Variants in CDH4 observed in about 807,000 individuals in gnomAD.
CDH4 encodes the protein cadherin 4, also known as cadherin-4.
In CDH4, 33 loss-of-function variants were observed where a neutral mutation model predicts 86.0. The observed-to-expected ratio is 0.38, with a 90% CI of 0.29 to 0.51. CDH4 has a LOEUF of 0.51. Among genes scored for constraint, CDH4 ranks in the 20% least tolerant of loss-of-function variants. CDH4 has a pLI of 0.86. For missense variants in CDH4, 1,114 were observed against 1,307.4 expected, an observed-to-expected ratio of 0.85 and a Z score of 2.28; for synonymous variants, 555 against 549.4, an observed-to-expected ratio of 1.01 and a Z score of -0.14.
In CDH4 at chr20:61,658,753, G is replaced by A. The variant is rs182820946; in HGVS notation, c.170-84810G>A. 1.1e-3 allele frequency among the ~76,000 whole-genome samples: 169 copies of A among 152,286 alleles called. 1 individual carries two copies. The highest frequency in any genetic ancestry group is 3.9e-3 in the African/African-American group (162 of 41,568). On this transcript the variant is annotated intron_variant, in intron 2 of 15. Coordinates refer to ENST00000614565, the MANE Select transcript of CDH4 (RefSeq NM_001794.5). ...CAAAGGAACTGGATAGTCAGAGCTG[G>A]GGGAAATACCACCCCCCCACTCCCA...
At chr20:61,260,374 T>C (rs1243108480) in intron 2 of CDH4, among the ~76,000 whole-genome samples, 2 of 152,222 alleles carry the variant, frequency 1.3e-5, no homozygotes, top group Non-Finnish European at 2.9e-5. Context: ...AAAGAACCCT[T>C]AGATATATTA....
chr20:61,903,283 C>G (rs1175317530), intron 8 of CDH4, among the ~76,000 whole-genome samples: 2 of 151,956 alleles, frequency 1.3e-5, no homozygotes, highest in Non-Finnish European at 2.9e-5. Context: ...TGGTGGCTCA[C>G]GCCTGTAATC....
chr20:61,275,688 T>C (rs1412927248), intron 2 of CDH4, among the ~76,000 whole-genome samples: 2 of 148,162 alleles, frequency 1.3e-5, no homozygotes, highest in African/African-American at 5.0e-5. Context: ...CGTGTGCAGT[T>C]TGGGGGAGTA....
intron 9 of CDH4, among the ~76,000 whole-genome samples, chr20:61,916,615 C>T (rs1333505817): frequency 6.6e-6 from 1 of 152,168 alleles, no homozygotes; most frequent in Non-Finnish European, 1.5e-5. Context: ...TGCTTAGTTC[C>T]CCAGAGCATG....
At chr20:61,867,860 C>T (rs930287380) in intron 6 of CDH4, among the ~76,000 whole-genome samples, 1 of 152,194 alleles carries the variant, frequency 6.6e-6, no homozygotes, top group Non-Finnish European at 1.5e-5. Flanking sequence ...AGGTGGCCCA[C>T]GAGGCGCGAT....
intron 2 of CDH4, among the ~76,000 whole-genome samples, chr20:61,340,012 G>T (rs917731924): frequency 6.6e-6 from 1 of 152,210 alleles, no homozygotes; most frequent in Non-Finnish European, 1.5e-5. Flanking sequence ...AGTTTAAGAT[G>T]ATGAGTTAAT....
At position 61,676,215 on chromosome 20, in the gene CDH4, TGTCAGGAACG is replaced by T. The variant is rs545465930; in HGVS notation, c.170-67335_170-67326del. Reference sequence around the variant, plus strand: ...GTCATTCCCATTAACATTCGCCTGGTGTCAGGAACGGTCAGGAACGGTGGGCTGTAATTGA... The same window carrying T: ...GTCATTCCCATTAACATTCGCCTGGTGTCAGGAACGGTGGGCTGTAATTGA... On this transcript the variant is annotated intron_variant, in intron 2 of 15. Transcript: ENST00000614565. This position sits in a 1 kb window ranked among gnomAD's most constrained non-coding sequence, Gnocchi z 4.5. Among the ~76,000 whole-genome samples the T allele has an allele frequency of 6.0e-4, 91 of 152,324 alleles. No homozygotes were observed. The highest frequency in any genetic ancestry group is 6.8e-3 in the Middle Eastern group (2 of 294).
chr20:61,310,012 C>T (rs1488596744), intron 2 of CDH4, among the ~76,000 whole-genome samples: 2 of 152,130 alleles, frequency 1.3e-5, no homozygotes, highest in Non-Finnish European at 2.9e-5. Context: ...GTTTGCAGGA[C>T]AGCTCTCCTG....
intron 9 of CDH4, among the ~76,000 whole-genome samples, chr20:61,919,052 G>A (rs962384703): frequency 6.6e-6 from 1 of 152,080 alleles, no homozygotes; most frequent in Non-Finnish European, 1.5e-5. Flanking sequence ...TTTTTGTTTT[G>A]TAGAGACAGC....
At chr20:61,389,698 G>A (rs1453298783) in intron 2 of CDH4, among the ~76,000 whole-genome samples, 1 of 151,286 alleles carries the variant, frequency 6.6e-6, no homozygotes, top group Non-Finnish European at 1.5e-5. Flanking sequence ...ATCAGGGGGT[G>A]AGAACAATTG....
chr20:61,723,575 G>A (rs1438524527), intron 2 of CDH4, among the ~76,000 whole-genome samples: 1 of 152,198 alleles, frequency 6.6e-6, no homozygotes, highest in Non-Finnish European at 1.5e-5. Flanking sequence ...CCAAGCACCT[G>A]CTCTTCTCGA....
In CDH4 at chr20:61,661,470, C is replaced by CTTTT. The variant is rs11472090; in HGVS notation, c.170-82074_170-82071dup. Among the ~76,000 whole-genome samples the CTTTT allele has an allele frequency of 1.4e-3, 158 of 115,076 alleles. 2 individuals carry two copies. The highest frequency in any genetic ancestry group is 4.4e-3 in the African/African-American group (131 of 29,706). The allele number at this position is 115,076 out of a possible 152,430, so 75.5% of individuals were successfully genotyped here. On this transcript the variant is annotated intron_variant, in intron 2 of 15. Transcript: ENST00000614565. Reference sequence around the variant, plus strand: ...CCTTTAAGTGGGCTTTGCTTTCTGACTTTTTTTTTTTTTTTTTTTTTTAAC... The same window carrying CTTTT: ...CCTTTAAGTGGGCTTTGCTTTCTGACTTTTTTTTTTTTTTTTTTTTTTTTTTAAC...
chr20:61,784,710 G>A (rs1386028965), intron 4 of CDH4, among the ~76,000 whole-genome samples: 3 of 117,356 alleles, frequency 2.6e-5, no homozygotes, highest in Admixed American at 8.3e-5. Flanking sequence ...CCAGTTCCTC[G>A]GGACAGTTCT....
At position 61,937,031 on chromosome 20, in the gene CDH4, C is replaced by T. The variant is rs1055961401; in HGVS notation, c.*88C>T. 4.2e-6 allele frequency: 5 copies of T among 1,185,352 alleles called. No homozygotes were observed. The East Asian group carries it at 8.1e-5, about 19-fold the overall frequency. The allele number at this position is 1,185,352 out of a possible 1,614,324, so 73.4% of individuals were successfully genotyped here. On this transcript the variant is annotated 3_prime_UTR_variant, in exon 16 of 16. Transcript: ENST00000614565. ...GCAGAGGCGGCCGGTCTTCCCGACT[C>T]CCTGCGGCTGTGTCCTTAGTGCTGT...
intron 4 of CDH4, among the ~76,000 whole-genome samples, chr20:61,809,923 G>C (rs1271344555): frequency 6.6e-6 from 1 of 152,202 alleles, no homozygotes; most frequent in East Asian, 1.9e-4. Flanking sequence ...TGCTCTCAGT[G>C]GCACAGGAGG....
At chr20:61,727,228 A>G (rs2088125794) in intron 2 of CDH4, among the ~76,000 whole-genome samples, 1 of 151,236 alleles carries the variant, frequency 6.6e-6, no homozygotes, top group African/African-American at 2.4e-5. Flanking sequence ...CATCATCACC[A>G]TTGAAGCCAT....
intron 2 of CDH4, among the ~76,000 whole-genome samples, chr20:61,310,678 A>C (rs1330159922): frequency 6.6e-6 from 1 of 150,456 alleles, no homozygotes; most frequent in East Asian, 2.0e-4. Context: ...CTTAAACAAC[A>C]GGAGGTCGTT....
intron 2 of CDH4, among the ~76,000 whole-genome samples, chr20:61,496,248 A>T (rs983439931): frequency 6.6e-6 from 1 of 152,070 alleles, no homozygotes; most frequent in Non-Finnish European, 1.5e-5. Context: ...AAAAAAAATT[A>T]AAAATTAGCT....
chr20:61,662,923 G>A (rs563929814), intron 2 of CDH4, among the ~76,000 whole-genome samples: 19 of 152,056 alleles, frequency 1.2e-4, no homozygotes, highest in African/African-American at 4.1e-4. Flanking sequence ...GACTGTTAGC[G>A]GTCCCTGACT....
Sources: allele counts gnomAD v4.1 joint callset (sites outside exome capture counted in the v4.1 genomes callset), GRCh38; gene constraint gnomAD v4.1.1; non-coding constraint Gnocchi (gnomAD v3.1); transcripts MANE v1.5; gene names NCBI Gene and HGNC (gene_info 2026-07-23, HGNC 2026-07-21).